The following ARHGEF7 variants were observed in gnomAD, a reference collection of about 807,000 sequenced individuals.
ARHGEF7 encodes Rho guanine nucleotide exchange factor 7.
A neutral mutation model predicts 109.8 loss-of-function variants in ARHGEF7; 33 were observed. The ratio of observed to expected loss-of-function variants is 0.30; its 90% CI spans 0.23 to 0.40. ARHGEF7 has a LOEUF of 0.40. Among genes scored for constraint, ARHGEF7 ranks in the 10% least tolerant of loss-of-function variants. ARHGEF7 has a pLI of 1.00. For missense variants in ARHGEF7, 938 were observed against 1,098.5 expected, an observed-to-expected ratio of 0.85 and a Z score of 2.07; for synonymous variants, 458 against 424.6, an observed-to-expected ratio of 1.08 and a Z score of -0.97.
At chr13:111,297,768 A>T (rs1255961549) in intron 19 of ARHGEF7, among the ~76,000 whole-genome samples, 1 of 152,188 alleles carries the variant, frequency 6.6e-6, no homozygotes, top group Admixed American at 6.5e-5. Context: ...TGTCTGACCC[A>T]TTTCTTTACA....
At chr13:111,238,121 A>C (rs914569354) in intron 6 of ARHGEF7, among the ~76,000 whole-genome samples, 2 of 152,208 alleles carry the variant, frequency 1.3e-5, no homozygotes, top group Admixed American at 1.3e-4. Context: ...TCTTGCCTCT[A>C]TTTTCTCATG....
At chr13:111,174,036 C>T (rs1318166790) in intron 2 of ARHGEF7, among the ~76,000 whole-genome samples, 1 of 152,216 alleles carries the variant, frequency 6.6e-6, no homozygotes, top group African/African-American at 2.4e-5. Flanking sequence ...CTTTGTCTGG[C>T]ACCCAGCCCT....
chr13:111,222,878 G>A (rs974707061), intron 5 of ARHGEF7, among the ~76,000 whole-genome samples: 6 of 152,236 alleles, frequency 3.9e-5, no homozygotes, highest in Non-Finnish European at 8.8e-5. Context: ...GCGTAATGTG[G>A]TTACAAGTAC....
intron 6 of ARHGEF7, among the ~76,000 whole-genome samples, chr13:111,243,460 C>T (rs2088193087): frequency 6.6e-6 from 1 of 152,206 alleles, no homozygotes; most frequent in Admixed American, 6.5e-5. Context: ...GTTTTGTCAT[C>T]TCTTAGACTT....
rs1214183740 is a variant in ARHGEF7, at chr13:111,304,515, A to AT, written c.*1404dup. ...TGGATTACTGGTCTCAGAACAACTC[A>AT]TTGCGCATCAGATTTGACTCTCTGA... On this transcript the variant is annotated 3_prime_UTR_variant, in exon 22 of 22. Coordinates refer to ENST00000646102, the MANE Select transcript of ARHGEF7 (RefSeq NM_001354046.2). 13 of 152,226 alleles carry AT rather than the reference A, an allele frequency of 8.5e-5. No individual in the cohort carries two copies. The highest frequency in any genetic ancestry group is 1.9e-4 in the Non-Finnish European group (13 of 68,052). The allele number at this position is 152,226 out of a possible 1,614,324, so 9.4% of individuals were successfully genotyped here.
At chr13:111,115,101 C>T (rs950971068), upstream of ARHGEF7, 3 of 150,260 alleles carry the variant, frequency 2.0e-5, no homozygotes, top group Admixed American at 2.0e-4. Flanking sequence ...GCTCCCTCCC[C>T]ATCCGCTCCC....
At chr13:111,147,944 G>A (rs1348267947) in intron 1 of ARHGEF7, among the ~76,000 whole-genome samples, 3 of 151,976 alleles carry the variant, frequency 2.0e-5, no homozygotes, top group Admixed American at 6.5e-5. Context: ...TGATCCGCCC[G>A]CCTCGGCCTC....
At chr13:111,214,122 C>T (rs540904776) in intron 4 of ARHGEF7, among the ~76,000 whole-genome samples, 7 of 152,234 alleles carry the variant, frequency 4.6e-5, no homozygotes, top group Admixed American at 2.0e-4. Context: ...CTCTCTTAGA[C>T]GCCGCCCTTT....
At chr13:111,121,598 G>A (rs568666273) in intron 1 of ARHGEF7, among the ~76,000 whole-genome samples, 8 of 151,568 alleles carry the variant, frequency 5.3e-5, no homozygotes, top group South Asian at 2.1e-4. Flanking sequence ...ACGCCCACGC[G>A]TCTCTCACTG....
chr13:111,116,720 T>G (rs1229213773), intron 1 of ARHGEF7: 1 of 152,232 alleles, frequency 6.6e-6, no homozygotes, highest in Non-Finnish European at 1.5e-5. Flanking sequence ...CAACAACTTG[T>G]AAATAAAATG....
chr13:111,280,429 G>A (rs1206569843), intron 14 of ARHGEF7, 79 bp downstream of exon 14: 31 of 1,584,164 alleles, frequency 2.0e-5, no homozygotes, highest in Non-Finnish European at 2.4e-5. Context: ...TCTTGCTTGC[G>A]TATTTCAGAA....
In ARHGEF7 at chr13:111,292,075, A is replaced by AC. The variant is rs770266022; in HGVS notation, c.2135-38dup. ...GGCTCTTCCTGTCGTTCTCCTCCTC[A>AC]CCCCCTGCCTGTCGCGCCTGTCCCT... On this transcript the variant is annotated intron_variant, in intron 18 of 21. Coordinates refer to ENST00000646102, the MANE Select transcript of ARHGEF7 (RefSeq NM_001354046.2). 3.9e-6 allele frequency: 6 copies of AC among 1,556,816 alleles called. No homozygotes were observed. In the South Asian group the frequency reaches 4.5e-5, roughly 12 times the overall value.
At chr13:111,146,631 T>TA (rs1467000524) in intron 1 of ARHGEF7, among the ~76,000 whole-genome samples, 3 of 152,236 alleles carry the variant, frequency 2.0e-5, no homozygotes, top group Non-Finnish European at 2.9e-5. Flanking sequence ...GCCTTGCTGA[T>TA]ACTGCTTGTT....
At chr13:111,290,765 A>T (rs1017444945) in intron 18 of ARHGEF7, among the ~76,000 whole-genome samples, 4 of 152,222 alleles carry the variant, frequency 2.6e-5, no homozygotes, top group African/African-American at 9.6e-5. Flanking sequence ...TTATGGGCAA[A>T]CCACTCTGGG....
intron 6 of ARHGEF7, among the ~76,000 whole-genome samples, chr13:111,234,707 T>C (rs929310227): frequency 2.0e-5 from 3 of 152,198 alleles, no homozygotes; most frequent in African/African-American, 7.2e-5. Flanking sequence ...TGGAAACCCT[T>C]TTCTTTTGCT....
intron 1 of ARHGEF7, among the ~76,000 whole-genome samples, chr13:111,123,971 C>T (rs1033331953): frequency 6.6e-6 from 1 of 150,582 alleles, no homozygotes; most frequent in Admixed American, 6.7e-5. Context: ...TTCTGAAAGA[C>T]ATTTCCTTGA....
chr13:111,275,669 C>T lies in ARHGEF7; in HGVS notation c.1410C>T (p.Ala470=), dbSNP rs9560027. Residue 470 remains alanine, a synonymous_variant, in exon 12 of 22, where the codon GCC becomes GCT. Coordinates refer to ENST00000646102, the MANE Select transcript of ARHGEF7 (RefSeq NM_001354046.2). ...TYMSQVLIQC[A]GSEEKNERYL... ...TGTCCCAGGTCCTGATTCAGTGTGCCGGAAGTGAGGTACTGCTGCCCACAT... is the reference window on the plus strand; with the variant it reads ...TGTCCCAGGTCCTGATTCAGTGTGCTGGAAGTGAGGTACTGCTGCCCACAT... 394 of 1,614,082 alleles carry T rather than the reference C, an allele frequency of 2.4e-4. 1 individual carries two copies. The East Asian group carries it at 6.3e-3, about 26-fold the overall frequency.
intron 1 of ARHGEF7, among the ~76,000 whole-genome samples, chr13:111,137,300 G>A (rs1229747250): frequency 6.6e-6 from 1 of 152,202 alleles, no homozygotes; most frequent in Non-Finnish European, 1.5e-5. Context: ...TGCTGGTCCT[G>A]GGGCCATGAT....
intron 5 of ARHGEF7, among the ~76,000 whole-genome samples, chr13:111,220,641 C>T (rs1190474848): frequency 2.0e-5 from 3 of 152,128 alleles, no homozygotes; most frequent in South Asian, 4.1e-4. Context: ...CACAGGAAGG[C>T]ATCGTGAGCC....
Sources: allele counts gnomAD v4.1 joint callset (sites outside exome capture counted in the v4.1 genomes callset), GRCh38; gene constraint gnomAD v4.1.1; transcripts MANE v1.5; gene names NCBI Gene and HGNC (gene_info 2026-07-23, HGNC 2026-07-21).